Variants in DPP6 observed in about 807,000 individuals in gnomAD.
DPP6 encodes the protein A-type potassium channel modulatory protein DPP6.
Under a neutral mutation model 122.6 loss-of-function variants are expected in DPP6, and 69 were observed. The ratio of observed to expected loss-of-function variants is 0.56; its 90% CI spans 0.46 to 0.69. The LOEUF is 0.69. Among genes scored for constraint, DPP6 ranks in the 30% least tolerant of loss-of-function variants. DPP6 has a pLI of 0.00. For synonymous variants in DPP6, 418 were observed against 433.1 expected (o/e 0.97, Z 0.43); for missense variants, 928 against 1,116.9 (o/e 0.83, Z 2.41).
intron 3 of DPP6, among the ~76,000 whole-genome samples, chr7:154,477,325 T>C (rs1822837948): frequency 6.6e-6 from 1 of 151,884 alleles, no homozygotes; most frequent in African/African-American, 2.4e-5. Context: ...TCCTTCTCCT[T>C]CTCGTGGAGA....
At chr7:154,475,262 C>A (rs939898059) in intron 3 of DPP6, 5 of 498,732 alleles carry the variant, frequency 1.0e-5, no homozygotes, top group African/African-American at 1.9e-5. Context: ...TCCACACAGC[C>A]TTCACTTAAT....
chr7:154,459,288 G>A (rs997599816), intron 2 of DPP6, among the ~76,000 whole-genome samples: 5 of 152,156 alleles, frequency 3.3e-5, no homozygotes, highest in East Asian at 3.9e-4. Context: ...GCCTATTCTC[G>A]TAGGCATCGG....
intron 1 of DPP6, among the ~76,000 whole-genome samples, chr7:154,030,073 G>A (rs915868154): frequency 7.9e-5 from 12 of 152,050 alleles, no homozygotes; most frequent in Admixed American, 7.9e-4. Context: ...GCGCACACCT[G>A]TAGTTCCAAG....
At chr7:154,060,741 A>AGTG in intron 1 of DPP6, among the ~76,000 whole-genome samples, 1 of 96,286 alleles carries the variant, frequency 1.0e-5, no homozygotes, top group Non-Finnish European at 2.1e-5. Context: ...CCCGCGAGGC[A>AGTG]GGGACTGAGA....
chr7:154,711,939 T>TACACACACAC (rs57187871), intron 7 of DPP6, among the ~76,000 whole-genome samples: 3,554 of 63,618 alleles, frequency 0.056, 181 homozygotes, highest in East Asian at 0.37. Context: ...TGTCACTTAA[T>TACACACACAC]ACACACACAC....
chr7:154,159,294 C>G (rs975881227), intron 1 of DPP6, among the ~76,000 whole-genome samples: 4 of 152,160 alleles, frequency 2.6e-5, no homozygotes, highest in Non-Finnish European at 4.4e-5. Flanking sequence ...CCAAACCAGC[C>G]AGTGTTCTCC....
intron 1 of DPP6, among the ~76,000 whole-genome samples, chr7:154,154,783 G>T (rs1247121275): frequency 6.6e-6 from 1 of 152,210 alleles, no homozygotes; most frequent in East Asian, 1.9e-4. Flanking sequence ...ATACATGCAT[G>T]TACACACACA....
At chr7:154,829,263 G>A (rs1397648783) in intron 16 of DPP6, among the ~76,000 whole-genome samples, 2 of 151,752 alleles carry the variant, frequency 1.3e-5, no homozygotes, top group Non-Finnish European at 2.9e-5. Context: ...TGCACCCATA[G>A]TCCCAGCTGC....
At chr7:154,475,484 A>G (rs532227294) in intron 3 of DPP6, 60 of 215,744 alleles carry the variant, frequency 2.8e-4, no homozygotes, top group African/African-American at 1.3e-3. Context: ...GTTCTTGTAG[A>G]ATAGCTTCCA....
chr7:153,749,426 C>G, the DPP6 span, among the ~76,000 whole-genome samples: 1 of 152,058 alleles, frequency 6.6e-6, no homozygotes. The surrounding 1 kb of genome is among the most constrained non-coding windows in gnomAD (Gnocchi z 4.1). Context: ...AGCTCTTTCC[C>G]GGGAAGCGCG....
intron 1 of DPP6, among the ~76,000 whole-genome samples, chr7:153,900,769 A>T (rs1799611607): frequency 1.3e-5 from 2 of 152,142 alleles, no homozygotes; most frequent in African/African-American, 4.8e-5. Context: ...AGCACCCAAA[A>T]GCTGAAAGTG....
chr7:153,981,911 C>A (rs558455227), intron 1 of DPP6, among the ~76,000 whole-genome samples: 1 of 151,940 alleles, frequency 6.6e-6, no homozygotes, highest in Admixed American at 6.6e-5. Context: ...CAGAGAGATC[C>A]GCTGTTAGTC....
At chr7:154,305,500 C>G (rs1421907452) in intron 1 of DPP6, 2 of 1,603,572 alleles carry the variant, frequency 1.2e-6, no homozygotes, top group Non-Finnish European at 1.7e-6. Context: ...AGACCATGAC[C>G]ACAGCCAAGG....
intron 1 of DPP6, among the ~76,000 whole-genome samples, chr7:154,395,215 C>G (rs904920771): frequency 2.6e-5 from 4 of 152,170 alleles, no homozygotes; most frequent in African/African-American, 9.7e-5. Context: ...CTAATCTTAT[C>G]CGTGAACATT....
At chr7:153,887,139 C>G (rs937319353) in exon 1 of DPP6, 4 of 152,922 alleles carry the variant, frequency 2.6e-5, no homozygotes, top group East Asian at 1.9e-4. Context: ...CACACACACA[C>G]GCCTCCCCTG....
intron 5 of DPP6, among the ~76,000 whole-genome samples, chr7:154,584,544 G>C (rs573864242): frequency 6.6e-6 from 1 of 152,200 alleles, no homozygotes; most frequent in East Asian, 1.9e-4. Flanking sequence ...ACCCCCATGC[G>C]GTTTCAGGGC....
At chr7:153,862,120 T>C in the DPP6 span, among the ~76,000 whole-genome samples, 1 of 152,144 alleles carries the variant, frequency 6.6e-6, no homozygotes, top group Non-Finnish European at 1.5e-5. Flanking sequence ...GTGGCTCCAT[T>C]TGGACTTCAG....
At chr7:154,459,294 A>G (rs576542467) in intron 2 of DPP6, among the ~76,000 whole-genome samples, 355 of 152,346 alleles carry the variant, frequency 2.3e-3, no homozygotes, top group Non-Finnish European at 3.6e-3. Context: ...TCTCGTAGGC[A>G]TCGGGTGAAG....
chr7:153,754,189 A>C, the DPP6 span, among the ~76,000 whole-genome samples: 71,082 of 150,738 alleles, frequency 0.47, 16,347 homozygotes, highest in East Asian at 0.67. Context: ...ACATTAAAAA[A>C]AAGGATTAAT....
Sources: allele counts gnomAD v4.1 joint callset (sites outside exome capture counted in the v4.1 genomes callset), GRCh38; gene constraint gnomAD v4.1.1; non-coding constraint Gnocchi (gnomAD v3.1); transcripts MANE v1.5; gene names NCBI Gene and HGNC (gene_info 2026-07-23, HGNC 2026-07-21).